Variants in KHDRBS3 observed in about 807,000 individuals in gnomAD.
The protein encoded by KHDRBS3 is KH domain-containing, RNA-binding, signal transduction-associated protein 3.
In KHDRBS3, 23 loss-of-function variants were observed where a neutral mutation model predicts 45.6. That is an observed-to-expected ratio of 0.50 (90% CI 0.36 to 0.72). KHDRBS3 has a LOEUF of 0.72. Ranked by LOEUF, KHDRBS3 falls within the 30% of genes least tolerant of loss-of-function variation. The pLI is 0.00. For synonymous variants in KHDRBS3, 162 were observed against 156.5 expected, an observed-to-expected ratio of 1.04 and a Z score of -0.26; for missense variants, 352 against 424.8, an observed-to-expected ratio of 0.83 and a Z score of 1.51.
chr8:135,464,572 A>G (rs1219081017), intron 1 of KHDRBS3, among the ~76,000 whole-genome samples: 1 of 152,242 alleles, frequency 6.6e-6, no homozygotes, highest in Admixed American at 6.5e-5. Flanking sequence ...AGGTTCACAA[A>G]AGAAAAAAAA....
intron 5 of KHDRBS3, among the ~76,000 whole-genome samples, chr8:135,560,873 C>T (rs1827135228): frequency 6.6e-6 from 1 of 152,156 alleles, no homozygotes; most frequent in Admixed American, 6.5e-5. Flanking sequence ...ACGGTTACCA[C>T]CTGTGTACTT....
chr8:135,462,724 A>AGT (rs1465016720), intron 1 of KHDRBS3, among the ~76,000 whole-genome samples: 1 of 152,200 alleles, frequency 6.6e-6, no homozygotes, highest in Non-Finnish European at 1.5e-5. Flanking sequence ...TGACAGCTAA[A>AGT]GTGACTTGCC....
At chr8:135,649,136 G>A (rs1246086354), downstream of KHDRBS3, among the ~76,000 whole-genome samples, 1 of 151,846 alleles carries the variant, frequency 6.6e-6, no homozygotes, top group Non-Finnish European at 1.5e-5. Context: ...AAAAATCTGG[G>A]GACCTATAAA....
In KHDRBS3 at chr8:135,536,994, A is replaced by G. The variant is rs1563751873; in HGVS notation, c.208-5660A>G. Among the ~76,000 whole-genome samples, 12 of 20,804 alleles carry G rather than the reference A, an allele frequency of 5.8e-4. 1 individual carries two copies. The highest frequency in any genetic ancestry group is 2.4e-3 in the African/African-American group (12 of 5,018). 13.6% of individuals were successfully genotyped at this position (20,804 alleles called of 152,430 possible). ...AAAAAAAAAAAAAAAAAAAAAAAAA[A>G]AAAGGAGATGTTTAGGAGGTAAAAT... On this transcript the variant is annotated intron_variant, in intron 2 of 8. Transcript: ENST00000355849.
intron 1 of KHDRBS3, among the ~76,000 whole-genome samples, chr8:135,501,524 G>C (rs1393695867): frequency 3.3e-5 from 5 of 152,176 alleles, no homozygotes; most frequent in Non-Finnish European, 7.3e-5. Context: ...GAATACATTT[G>C]AAAGAACACG....
chr8:135,500,237 G>A (rs1444757142), intron 1 of KHDRBS3, among the ~76,000 whole-genome samples: 2 of 151,930 alleles, frequency 1.3e-5, no homozygotes, highest in Non-Finnish European at 2.9e-5. Flanking sequence ...GGTGTCATAA[G>A]CCAGGATTTG....
chr8:135,523,753 G>C (rs1040783411), intron 2 of KHDRBS3, among the ~76,000 whole-genome samples: 3 of 152,080 alleles, frequency 2.0e-5, no homozygotes, highest in Non-Finnish European at 2.9e-5. Context: ...GATTTCATTT[G>C]CTAGGTAGAG....
intron 7 of KHDRBS3, among the ~76,000 whole-genome samples, chr8:135,628,388 C>G (rs1830461286): frequency 6.6e-6 from 1 of 152,172 alleles, no homozygotes; most frequent in African/African-American, 2.4e-5. Context: ...CTCCTAATTT[C>G]ATACTAAGAT....
chr8:135,631,809 CA>C lies in KHDRBS3; in HGVS notation c.891-13249del, dbSNP rs559924563. ...AATATGGTAAATACACAACCACTGG[CA>C]TAGTCCTTTAATTTTATTTTCTAGT... On this transcript the variant is annotated intron_variant, in intron 7 of 8. Coordinates refer to ENST00000355849, the MANE Select transcript of KHDRBS3 (RefSeq NM_006558.3). 3.7e-4 allele frequency among the ~76,000 whole-genome samples: 56 copies of C among 152,254 alleles called. No individual in the cohort carries two copies. In the East Asian group the frequency reaches 0.01, roughly 27 times the overall value.
chr8:135,551,460 A>G (rs1168159731), intron 4 of KHDRBS3, among the ~76,000 whole-genome samples: 2 of 152,200 alleles, frequency 1.3e-5, no homozygotes, highest in African/African-American at 2.4e-5. Context: ...GAATAAATGT[A>G]TAAACATGGG....
chr8:135,648,706 C>T (rs1187380761), downstream of KHDRBS3: 1 of 152,056 alleles, frequency 6.6e-6, no homozygotes, highest in East Asian at 1.9e-4. Context: ...TTTCCTAGTA[C>T]AACACTAGTG....
chr8:135,568,163 C>A (rs1055232423), intron 5 of KHDRBS3, among the ~76,000 whole-genome samples: 1 of 152,326 alleles, frequency 6.6e-6, no homozygotes, highest in East Asian at 1.9e-4. Flanking sequence ...TATTAAAATA[C>A]TTTAATTCCT....
At chr8:135,587,950 CTG>C (rs1270833609) in intron 6 of KHDRBS3, among the ~76,000 whole-genome samples, 2 of 152,180 alleles carry the variant, frequency 1.3e-5, no homozygotes, top group African/African-American at 4.8e-5. Flanking sequence ...GAAAGGAAAA[CTG>C]TTTCCTCTTT....
chr8:135,495,300 G>T (rs1489852047), intron 1 of KHDRBS3, among the ~76,000 whole-genome samples: 1 of 152,138 alleles, frequency 6.6e-6, no homozygotes, highest in Non-Finnish European at 1.5e-5. Flanking sequence ...ACTCTCTGAT[G>T]AGCTCAAAAA....
rs1826448278 is a variant in KHDRBS3, at chr8:135,548,956, C to T, written c.471+56C>T. 1.9e-5 allele frequency: 23 copies of T among 1,224,506 alleles called. No individual in the cohort carries two copies. In the South Asian group the frequency reaches 2.9e-4, roughly 15 times the overall value. The allele number at this position is 1,224,506 out of a possible 1,614,324, so 75.9% of individuals were successfully genotyped here. ...GTACTTTAAAGTCTTTGCTTTAATC[C>T]TTGATACTTCTTGTCTGTAACTGTT... On this transcript the variant is annotated intron_variant, in intron 4 of 8. Coordinates refer to ENST00000355849, the MANE Select transcript of KHDRBS3 (RefSeq NM_006558.3).
Position 135,529,144 on chromosome 8 carries a change from G to A in KHDRBS3, c.207+7789G>A, listed in dbSNP as rs145986706. On this transcript the variant is annotated intron_variant, in intron 2 of 8. Coordinates refer to ENST00000355849, the MANE Select transcript of KHDRBS3 (RefSeq NM_006558.3). The stretch of plus-strand genomic sequence containing the variant: ...TATAAATTTAGAGAAACTGGTTGGC[G>A]CATAATGGCCATTGTTTTATGATGG... 2.2e-3 allele frequency among the ~76,000 whole-genome samples: 335 copies of A among 152,266 alleles called. 2 individuals carry two copies. The highest frequency in any genetic ancestry group is 7.0e-3 in the African/African-American group (289 of 41,558).
intron 4 of KHDRBS3, chr8:135,549,795 T>C (rs1183877085): frequency 6.6e-6 from 1 of 152,186 alleles, no homozygotes; most frequent in African/African-American, 2.4e-5. Context: ...TGTGATTATA[T>C]TATCTGTGAG....
intron 1 of KHDRBS3, among the ~76,000 whole-genome samples, chr8:135,496,324 C>T (rs911088835): frequency 4.0e-5 from 6 of 151,002 alleles, no homozygotes; most frequent in Non-Finnish European, 3.0e-5. Flanking sequence ...CCTGTGCCTC[C>T]TGGGTTCAAG....
intron 7 of KHDRBS3, chr8:135,625,087 AC>A: frequency 1.5e-6 from 1 of 659,418 alleles, no homozygotes; most frequent in Non-Finnish European, 2.5e-6. Context: ...ATGAAAAGAA[AC>A]CAGTGAGTCC....
Sources: allele counts gnomAD v4.1 joint callset (sites outside exome capture counted in the v4.1 genomes callset), GRCh38; gene constraint gnomAD v4.1.1; transcripts MANE v1.5; gene names NCBI Gene and HGNC (gene_info 2026-07-23, HGNC 2026-07-21).